Variants in NFILZ observed in about 807,000 individuals in gnomAD.
The protein encoded by NFILZ is NFIL3 like basic leucine zipper.
intron 2 of NFILZ, among the ~76,000 whole-genome samples, chr19:8,633,948 C>G (rs868925571): frequency 8.6e-6 from 1 of 116,270 alleles, no homozygotes; most frequent in African/African-American, 3.4e-5. Context: ...CCTTCCTTCC[C>G]TCCCTTCTTT....
At chr19:8,667,046 G>A (rs1030929) in intron 3 of NFILZ, among the ~76,000 whole-genome samples, 27,866 of 151,358 alleles carry the variant, frequency 0.18, 3,334 homozygotes, top group Admixed American at 0.24. Context: ...CACCTCGCTC[G>A]GCTGTTGGCC....
In NFILZ at chr19:8,661,418, C is replaced by T. The variant is rs142589350; in HGVS notation, c.-163-13133C>T. Reference sequence around the variant, plus strand: ...CATCCATCCGTGGTCACTTAAATTGCTTCCATATCTGTGCTATTGTGAATA... The same window carrying T: ...CATCCATCCGTGGTCACTTAAATTGTTTCCATATCTGTGCTATTGTGAATA... On this transcript the variant is annotated intron_variant, in intron 3 of 5. Transcript: ENST00000691075. Among the ~76,000 whole-genome samples the T allele has an allele frequency of 3.2e-4, 49 of 152,092 alleles. No homozygotes were observed. In the East Asian group the frequency reaches 7.2e-3, roughly 22 times the overall value.
intron 3 of NFILZ, among the ~76,000 whole-genome samples, chr19:8,637,277 A>G (rs2146136051): frequency 6.6e-6 from 1 of 152,098 alleles, no homozygotes; most frequent in African/African-American, 2.4e-5. Context: ...TCCAGGAGGC[A>G]GAGATTGTAG....
chr19:8,648,673 A>AAAAC (rs1307917329), intron 3 of NFILZ, among the ~76,000 whole-genome samples: 9 of 151,040 alleles, frequency 6.0e-5, no homozygotes, highest in South Asian at 4.2e-4. Context: ...CAAACAAAAC[A>AAAAC]AAACAAACAA....
intron 3 of NFILZ, among the ~76,000 whole-genome samples, chr19:8,639,905 A>T (rs188303150): frequency 9.3e-4 from 141 of 152,216 alleles, no homozygotes; most frequent in African/African-American, 3.3e-3. Flanking sequence ...ACACTATTTA[A>T]AAAACCCTGC....
intron 3 of NFILZ, among the ~76,000 whole-genome samples, chr19:8,660,615 C>CCTTCCCT (rs797032022): frequency 7.2e-4 from 96 of 133,526 alleles, no homozygotes; most frequent in African/African-American, 2.6e-3. Context: ...TTCCTTCTCT[C>CCTTCCCT]CTTCCCTCTT....
intron 3 of NFILZ, among the ~76,000 whole-genome samples, chr19:8,663,748 G>GCGTA (rs2043046571): frequency 7.2e-6 from 1 of 139,376 alleles, no homozygotes; most frequent in South Asian, 2.3e-4. Flanking sequence ...GTGTGTGTGT[G>GCGTA]TGTGTGTGTG....
At position 8,652,467 on chromosome 19, in the gene NFILZ, G is replaced by C. The variant is rs114901211; in HGVS notation, c.-164+16721G>C. On this transcript the variant is annotated intron_variant, in intron 3 of 5. Transcript: ENST00000691075. ...AACCGTTAGGTGTAGATGTTTGCAAGTGTAAATTTTAGTTCATACATGAAC... is the reference window on the plus strand; with the variant it reads ...AACCGTTAGGTGTAGATGTTTGCAACTGTAAATTTTAGTTCATACATGAAC... 4.6e-3 allele frequency among the ~76,000 whole-genome samples: 693 copies of C among 152,184 alleles called. 8 individuals carry two copies. Among genetic ancestry groups the C allele is most frequent in the African/African-American group, 0.016 (660 of 41,518 alleles).
intron 3 of NFILZ, among the ~76,000 whole-genome samples, chr19:8,666,912 CTTTTTTTT>C (rs35846585): frequency 8.0e-4 from 103 of 128,184 alleles, no homozygotes; most frequent in African/African-American, 3.1e-3. Context: ...TTTTTGAAAA[CTTTTTTTT>C]TTTTTTTTTT....
Position 8,678,190 on chromosome 19 carries a change from C to CATCT in NFILZ, c.*555_*556insATCT, listed in dbSNP as rs1176723249. Among the ~76,000 whole-genome samples, 1 of 50,704 alleles carries CATCT rather than the reference C, an allele frequency of 2.0e-5. No individual in the cohort carries two copies. The highest frequency in any genetic ancestry group is 4.0e-5 in the Non-Finnish European group (1 of 24,988). The allele number at this position is 50,704 out of a possible 152,430, so 33.3% of individuals were successfully genotyped here. A position where few individuals can be genotyped will look rare whatever the true frequency, so the allele number is the denominator to read the frequency against. On this transcript the variant is annotated 3_prime_UTR_variant, in exon 6 of 6. Coordinates refer to ENST00000691075, the MANE Select transcript of NFILZ (RefSeq NM_001378600.1). Reference sequence around the variant, plus strand: ...CCATCCATCCATCCATCCATCCATCCGTCCATCTATCCATCCATCCATTCA... The same window carrying CATCT: ...CCATCCATCCATCCATCCATCCATCCATCTGTCCATCTATCCATCCATCCATTCA...
At chr19:8,673,411 C>T (rs1209134128) in intron 3 of NFILZ, among the ~76,000 whole-genome samples, 1 of 152,174 alleles carries the variant, frequency 6.6e-6, no homozygotes, top group East Asian at 1.9e-4. Flanking sequence ...CCCAGGGCGT[C>T]CCGTCTGGCA....
chr19:8,678,294 CCATGCA>C lies in NFILZ; in HGVS notation c.*660_*665del, dbSNP rs2043128437. The stretch of plus-strand genomic sequence containing the variant: ...TATCCATGCATCTATTCTCATTCAT[CCATGCA>C]TTTGTTCTTCCTTCTTTCTATCTAG... On this transcript the variant is annotated 3_prime_UTR_variant, in exon 6 of 6. Coordinates refer to ENST00000691075, the MANE Select transcript of NFILZ (RefSeq NM_001378600.1). Among the ~76,000 whole-genome samples, 1 of 151,230 alleles carries C rather than the reference CCATGCA, an allele frequency of 6.6e-6. No homozygotes were observed. Among genetic ancestry groups the C allele is most frequent in the Non-Finnish European group, 1.5e-5 (1 of 67,870 alleles).
intron 3 of NFILZ, among the ~76,000 whole-genome samples, chr19:8,647,771 GCACACATGCGCGCGCGCGCGCGCGCA>G (rs1419451608): frequency 3.8e-5 from 4 of 104,174 alleles, no homozygotes; most frequent in African/African-American, 1.6e-4. Flanking sequence ...ACACACACAC[GCACACATGCGCGCGCGCGCGCGCGCA>G]CACACACACA....
At chr19:8,662,346 C>G (rs782514087) in intron 3 of NFILZ, among the ~76,000 whole-genome samples, 1 of 151,672 alleles carries the variant, frequency 6.6e-6, no homozygotes, top group Admixed American at 6.6e-5. Flanking sequence ...GGCTGGGGGT[C>G]AGGGGAGGCT....
intron 3 of NFILZ, among the ~76,000 whole-genome samples, chr19:8,664,383 C>T (rs1318325074): frequency 1.3e-5 from 2 of 152,272 alleles, no homozygotes; most frequent in South Asian, 2.1e-4. Flanking sequence ...TGCCCATCAG[C>T]CTGTTCCTGG....
chr19:8,660,886 C>T (rs1371806739), intron 3 of NFILZ, among the ~76,000 whole-genome samples: 2 of 150,202 alleles, frequency 1.3e-5, no homozygotes, highest in African/African-American at 4.9e-5. Flanking sequence ...GGTACCTGCC[C>T]GCCTCAGCCT....
At chr19:8,639,878 G>C (rs2042911718) in intron 3 of NFILZ, among the ~76,000 whole-genome samples, 1 of 152,138 alleles carries the variant, frequency 6.6e-6, no homozygotes, top group African/African-American at 2.4e-5. Flanking sequence ...GTTTGTTGTT[G>C]TGAAAGAATC....
At chr19:8,636,451 T>TC (rs1271226088) in intron 3 of NFILZ, among the ~76,000 whole-genome samples, 1 of 143,036 alleles carries the variant, frequency 7.0e-6, no homozygotes, top group Non-Finnish European at 1.5e-5. Flanking sequence ...CCATCTTTTT[T>TC]TTTTTTTTTT....
Position 8,666,325 on chromosome 19 carries a change from C to T in NFILZ, c.-163-8226C>T, listed in dbSNP as rs200571796. On this transcript the variant is annotated intron_variant, in intron 3 of 5. Coordinates refer to ENST00000691075, the MANE Select transcript of NFILZ (RefSeq NM_001378600.1). ...ACCTTGACCTCCTGGGCTCAAGCAA[C>T]CTCCTGCTTCATTTTTTTTTTTGAT... 1.9e-4 allele frequency among the ~76,000 whole-genome samples: 29 copies of T among 151,514 alleles called. No homozygotes were observed. The East Asian group carries it at 5.1e-3, about 26-fold the overall frequency.
Sources: allele counts gnomAD v4.1 joint callset (sites outside exome capture counted in the v4.1 genomes callset), GRCh38; gene constraint gnomAD v4.1.1; transcripts MANE v1.5; gene names NCBI Gene and HGNC (gene_info 2026-07-23, HGNC 2026-07-21).